The following CSMD1 variants were observed in gnomAD, a reference collection of about 807,000 sequenced individuals.
The protein encoded by CSMD1 is CUB and Sushi multiple domains 1.
In CSMD1, 213 loss-of-function variants were observed where a neutral mutation model predicts 417.5. The ratio of observed to expected loss-of-function variants is 0.51; its 90% CI spans 0.46 to 0.57. The LOEUF (loss-of-function observed/expected upper bound fraction) is 0.57. Ranked by LOEUF, CSMD1 falls within the 20% of genes least tolerant of loss-of-function variation. CSMD1 has a pLI of 0.00. For synonymous variants in CSMD1, 2,862 were observed against 1,736.8 expected, an observed-to-expected ratio of 1.65 and a Z score of -16.11; for missense variants, 6,923 against 4,529.7, an observed-to-expected ratio of 1.53 and a Z score of -15.17.
chr8:4,676,001 T>C (rs1217146888), intron 1 of CSMD1, among the ~76,000 whole-genome samples: 1 of 152,252 alleles, frequency 6.6e-6, no homozygotes, highest in East Asian at 1.9e-4. Context: ...ACATTTGCTT[T>C]ACATTTGGCC....
chr8:4,852,067 T>C (rs552916128), intron 1 of CSMD1, among the ~76,000 whole-genome samples: 1 of 152,338 alleles, frequency 6.6e-6, no homozygotes, highest in South Asian at 2.1e-4. Flanking sequence ...TATACTTCCT[T>C]ACATCAGATT....
intron 52 of CSMD1, among the ~76,000 whole-genome samples, chr8:3,014,254 CA>C (rs143882023): frequency 8.1e-4 from 122 of 150,276 alleles, no homozygotes; most frequent in African/African-American, 1.4e-3. Flanking sequence ...CAATATTAAA[CA>C]AAAAAAAATG....
chr8:3,468,009 T>A (rs1585208555), intron 12 of CSMD1, among the ~76,000 whole-genome samples: 1 of 152,204 alleles, frequency 6.6e-6, no homozygotes. Flanking sequence ...TCAAATACTT[T>A]AAGGAACTCA....
At chr8:4,645,811 C>G (rs1045554270) in intron 1 of CSMD1, among the ~76,000 whole-genome samples, 1 of 151,994 alleles carries the variant, frequency 6.6e-6, no homozygotes, top group African/African-American at 2.4e-5. Context: ...CTTTAGATTC[C>G]GGGACACATC....
intron 1 of CSMD1, among the ~76,000 whole-genome samples, chr8:4,660,014 A>C (rs1406928912): frequency 1.3e-5 from 2 of 151,700 alleles, no homozygotes; most frequent in African/African-American, 4.8e-5. Context: ...AACTATAATT[A>C]TACTTAATAG....
At chr8:4,915,676 G>C (rs1282448323) in intron 1 of CSMD1, among the ~76,000 whole-genome samples, 2 of 152,196 alleles carry the variant, frequency 1.3e-5, no homozygotes, top group African/African-American at 4.8e-5. Flanking sequence ...GTTAGCGCCC[G>C]GCGGCAGTGG....
intron 26 of CSMD1, among the ~76,000 whole-genome samples, chr8:3,238,162 G>T (rs1214714329): frequency 2.0e-5 from 3 of 151,918 alleles, no homozygotes; most frequent in African/African-American, 7.2e-5. Context: ...ACAGTCAAAG[G>T]GGGGTTGTTC....
chr8:3,846,620 CATT>C (rs1314950984), intron 5 of CSMD1, among the ~76,000 whole-genome samples: 2 of 150,774 alleles, frequency 1.3e-5, no homozygotes, highest in African/African-American at 5.0e-5. Flanking sequence ...CAGTTATTAT[CATT>C]AACTCACCTT....
Position 4,154,270 on chromosome 8 carries a change from AAAATAAAT to A in CSMD1, c.416-122179_416-122172del, listed in dbSNP as rs139860935. Reference sequence around the variant, plus strand: ...AGTTTCTGGCAAACAGTAATGCTAAAAAATAAATAAATAAATAAGATGTTTCTGTTCTC... The same window carrying A: ...AGTTTCTGGCAAACAGTAATGCTAAAAAATAAATAAGATGTTTCTGTTCTC... On this transcript the variant is annotated intron_variant, in intron 3 of 69. Transcript: ENST00000635120. 1.3e-5 allele frequency among the ~76,000 whole-genome samples: 2 copies of A among 152,042 alleles called. 1 individual carries two copies. Among genetic ancestry groups the A allele is most frequent in the East Asian group, 3.9e-4 (2 of 5,134 alleles).
intron 26 of CSMD1, among the ~76,000 whole-genome samples, chr8:3,250,083 G>C (rs1248973005): frequency 6.6e-6 from 1 of 151,852 alleles, no homozygotes; most frequent in East Asian, 1.9e-4. Context: ...ATTATACTTT[G>C]TTTTAGGGTA....
intron 12 of CSMD1, among the ~76,000 whole-genome samples, chr8:3,457,605 G>A (rs1816237444): frequency 6.6e-6 from 1 of 152,186 alleles, no homozygotes. Flanking sequence ...GAATAGAATA[G>A]TCCCATCTAT....
chr8:4,631,006 T>G (rs1057482305), intron 2 of CSMD1, among the ~76,000 whole-genome samples: 1 of 152,174 alleles, frequency 6.6e-6, no homozygotes, highest in African/African-American at 2.4e-5. Flanking sequence ...TATAAAAGCT[T>G]TGACAGTGGC....
chr8:3,450,877 G>C (rs1381609716), intron 12 of CSMD1, among the ~76,000 whole-genome samples: 22 of 151,758 alleles, frequency 1.4e-4, no homozygotes, highest in Non-Finnish European at 2.9e-5. Context: ...CTAGATCCCT[G>C]AGGAATCGCC....
chr8:4,615,070 A>T (rs1801398457), intron 2 of CSMD1, among the ~76,000 whole-genome samples: 1 of 152,216 alleles, frequency 6.6e-6, no homozygotes, highest in Non-Finnish European at 1.5e-5. Context: ...TTTGTCTCAG[A>T]TCTACAAACT....
intron 1 of CSMD1, among the ~76,000 whole-genome samples, chr8:4,932,753 C>T (rs551798476): frequency 6.6e-6 from 1 of 152,170 alleles, no homozygotes; most frequent in Non-Finnish European, 1.5e-5. Context: ...TTAAAATAAT[C>T]CAAGCTTACA....
intron 5 of CSMD1, among the ~76,000 whole-genome samples, chr8:3,786,211 C>G (rs374135219): frequency 6.6e-6 from 1 of 151,982 alleles, no homozygotes; most frequent in Non-Finnish European, 1.5e-5. Context: ...ATTTTGGGCA[C>G]GTTGGGATCA....
chr8:4,063,284 C>A (rs544889078), intron 3 of CSMD1, among the ~76,000 whole-genome samples: 69 of 146,732 alleles, frequency 4.7e-4, no homozygotes, highest in African/African-American at 1.4e-3. Flanking sequence ...AACAAAAAAA[C>A]CAAAAAAGAA....
intron 7 of CSMD1, among the ~76,000 whole-genome samples, chr8:3,695,991 G>C (rs1186266258): frequency 1.3e-5 from 2 of 152,144 alleles, no homozygotes; most frequent in Non-Finnish European, 2.9e-5. Flanking sequence ...TTTTTCCAGT[G>C]TTAGAAATAT....
chr8:3,022,830 C>T (rs191218479), intron 51 of CSMD1, among the ~76,000 whole-genome samples: 4 of 152,206 alleles, frequency 2.6e-5, no homozygotes, highest in Admixed American at 6.5e-5. Flanking sequence ...GAAGGCACTC[C>T]GTATAGATCA....
Sources: gnomAD v4.1 joint callset for allele counts (sites outside exome capture counted in the v4.1 genomes callset) on GRCh38, gnomAD v4.1.1 for gene constraint, MANE v1.5 for transcripts, NCBI Gene and HGNC (gene_info 2026-07-23, HGNC 2026-07-21) for gene names.